ZNF469: variants seen among roughly 807,000 people sequenced by gnomAD.
ZNF469 encodes the protein zinc finger protein 469.
In ZNF469, 1 loss-of-function variant was observed where a neutral mutation model predicts 1.0. That is an observed-to-expected ratio of 1.00 (90% CI 0.35 to 4.73). The LOEUF (loss-of-function observed/expected upper bound fraction) is 4.73, where lower values mean the gene tolerates loss of function less well. ZNF469 is among the 30% of genes most tolerant of loss of function. ZNF469 has a pLI of 0.16. For synonymous variants in ZNF469, 2,703 were observed against 2,363.4 expected (o/e 1.14, Z -4.17); for missense variants, 6,100 against 5,356.3 (o/e 1.14, Z -4.33).
At chr16:88,160,304 AT>A in the ZNF469 span, among the ~76,000 whole-genome samples, 2 of 152,122 alleles carry the variant, frequency 1.3e-5, no homozygotes, top group Non-Finnish European at 2.9e-5. Flanking sequence ...AATGTAACAG[AT>A]TTTTAAACGA....
Position 88,435,633 on chromosome 16 carries a change from C to T in ZNF469, c.8163C>T (p.Ala2721=), listed in dbSNP as rs113274745. The change falls in exon 3 of 3, where the codon GCC becomes GCT. Residue 2721 remains alanine (A), a synonymous_variant. Coordinates refer to ENST00000565624, the MANE Select transcript of ZNF469 (RefSeq NM_001367624.2). ...QEALCAGETG[A]QKPPGDRMLC... ...CTCTGTGTGCAGGGGAGACTGGGGCCCAGAAGCCACCTGGAGATCGGATGC... is the reference window on the plus strand; with the variant it reads ...CTCTGTGTGCAGGGGAGACTGGGGCTCAGAAGCCACCTGGAGATCGGATGC... 6.5e-7 allele frequency: 1 copy of T among 1,550,236 alleles called. No individual in the cohort carries two copies.
the ZNF469 span, among the ~76,000 whole-genome samples, chr16:88,150,370 G>C: frequency 6.6e-6 from 1 of 152,136 alleles, no homozygotes; most frequent in Non-Finnish European, 1.5e-5. Flanking sequence ...AATCAATTTA[G>C]AGCCATTTTC....
the ZNF469 span, among the ~76,000 whole-genome samples, chr16:88,281,123 C>T: frequency 1.5e-4 from 22 of 148,264 alleles, no homozygotes; most frequent in Non-Finnish European, 3.0e-5. Context: ...AATTTTGGTG[C>T]GTGGGTTAAT....
At chr16:88,141,318 CAA>C in the ZNF469 span, among the ~76,000 whole-genome samples, 1 of 152,176 alleles carries the variant, frequency 6.6e-6, no homozygotes, top group Non-Finnish European at 1.5e-5. Flanking sequence ...TGTTAGAAGA[CAA>C]GAGTCGGACT....
chr16:88,405,503 C>T (rs1905003094), intron 1 of ZNF469, among the ~76,000 whole-genome samples: 1 of 152,176 alleles, frequency 6.6e-6, no homozygotes, highest in South Asian at 2.1e-4. Context: ...TCCCTGGCGT[C>T]CTCCCCCAGC....
chr16:88,190,831 G>A, the ZNF469 span, among the ~76,000 whole-genome samples: 1 of 152,196 alleles, frequency 6.6e-6, no homozygotes, highest in African/African-American at 2.4e-5. Context: ...TGTTGCCTCT[G>A]TAACACACTG....
chr16:88,270,907 C>A, the ZNF469 span, among the ~76,000 whole-genome samples: 4 of 152,358 alleles, frequency 2.6e-5, no homozygotes, highest in Admixed American at 2.0e-4. Context: ...TTCTTGTTTT[C>A]AGTTCAGGAA....
the ZNF469 span, among the ~76,000 whole-genome samples, chr16:88,256,051 C>T: frequency 2.0e-5 from 3 of 152,148 alleles, no homozygotes; most frequent in African/African-American, 7.2e-5. Context: ...GGTACTTGTC[C>T]AAAATGGCGA....
At chr16:88,264,195 G>A in the ZNF469 span, among the ~76,000 whole-genome samples, 1 of 152,046 alleles carries the variant, frequency 6.6e-6, no homozygotes, top group Non-Finnish European at 1.5e-5. Context: ...GGGTCCTCAG[G>A]CCCCTTTGCT....
At chr16:88,127,895 C>T in the ZNF469 span, among the ~76,000 whole-genome samples, 1 of 152,182 alleles carries the variant, frequency 6.6e-6, no homozygotes, top group East Asian at 1.9e-4. Flanking sequence ...TGTGAAGGAC[C>T]AGCCCAACAG....
the ZNF469 span, among the ~76,000 whole-genome samples, chr16:88,337,350 C>T: frequency 2.5e-4 from 38 of 152,208 alleles, no homozygotes; most frequent in Non-Finnish European, 4.3e-4. Flanking sequence ...CTCTCTCTTG[C>T]CTCCTGCCAT....
the ZNF469 span, among the ~76,000 whole-genome samples, chr16:88,165,841 G>C: frequency 1.3e-5 from 2 of 152,158 alleles, no homozygotes; most frequent in Admixed American, 1.3e-4. Context: ...GATGCCTCCA[G>C]GAACCTCGCG....
the ZNF469 span, among the ~76,000 whole-genome samples, chr16:88,370,256 T>C: frequency 2.0e-5 from 3 of 152,226 alleles, no homozygotes; most frequent in Non-Finnish European, 2.9e-5. Context: ...CAGCATCTTC[T>C]GGTGAGAGCA....
chr16:88,181,216 G>A, the ZNF469 span, among the ~76,000 whole-genome samples: 16 of 152,026 alleles, frequency 1.1e-4, no homozygotes, highest in Admixed American at 4.6e-4. Context: ...GACTACAGGC[G>A]CCCGCCACCA....
the ZNF469 span, among the ~76,000 whole-genome samples, chr16:88,373,196 A>T: frequency 1.3e-5 from 2 of 152,268 alleles, no homozygotes; most frequent in Admixed American, 1.3e-4. Flanking sequence ...CTAAGAGGAA[A>T]CAAGACTTGC....
At chr16:88,291,389 G>T in the ZNF469 span, among the ~76,000 whole-genome samples, 2 of 152,316 alleles carry the variant, frequency 1.3e-5, no homozygotes, top group East Asian at 3.9e-4. Flanking sequence ...GGACGTAGAA[G>T]CAGCTTTAGC....
the ZNF469 span, among the ~76,000 whole-genome samples, chr16:88,267,045 C>T: frequency 0.23 from 35,103 of 150,804 alleles, 3,652 homozygotes; most frequent in East Asian, 0.42. Context: ...TCCGGGTGCC[C>T]GGCAAGAGGA....
the ZNF469 span, among the ~76,000 whole-genome samples, chr16:88,239,792 C>T: frequency 7.1e-6 from 1 of 141,190 alleles, no homozygotes; most frequent in Non-Finnish European, 1.5e-5. Flanking sequence ...CATCTCCTGA[C>T]CTCGTGATCT....
At chr16:88,332,309 T>C in the ZNF469 span, among the ~76,000 whole-genome samples, 9 of 152,216 alleles carry the variant, frequency 5.9e-5, no homozygotes, top group African/African-American at 2.2e-4. Context: ...CTGTGGCTTA[T>C]TGCAGGAGGA....
Sources: allele counts gnomAD v4.1 joint callset (sites outside exome capture counted in the v4.1 genomes callset), GRCh38; gene constraint gnomAD v4.1.1; transcripts MANE v1.5; gene names NCBI Gene and HGNC (gene_info 2026-07-23, HGNC 2026-07-21).